Variants in TYW1B observed in about 807,000 individuals in gnomAD.
TYW1B encodes the protein tRNA-yW synthesizing protein 1 homolog B.
A neutral mutation model predicts 86.9 loss-of-function variants in TYW1B; 73 were observed. The observed-to-expected ratio is 0.84, with a 90% CI of 0.70 to 1.02. The LOEUF (loss-of-function observed/expected upper bound fraction) is 1.02, where lower values mean the gene tolerates loss of function less well. Among genes scored for constraint, TYW1B ranks in the 50% least tolerant of loss-of-function variants. The pLI, the probability that TYW1B is intolerant of heterozygous loss-of-function variation, is 0.00. For synonymous variants in TYW1B, 248 were observed against 292.8 expected (o/e 0.85, Z 1.56); for missense variants, 637 against 827.4 (o/e 0.77, Z 2.82).
rs1787020922 is a variant in TYW1B, at chr7:72,727,440, T to C, written c.1192+1382A>G. Reference sequence around the variant, plus strand: ...AATTCCAATTCATCACCTACAGCTGTTGCTTTATGAAGCCATCACATGTAC... The same window carrying C: ...AATTCCAATTCATCACCTACAGCTGCTGCTTTATGAAGCCATCACATGTAC... On this transcript the variant is annotated intron_variant, in intron 9 of 13. Transcript: ENST00000620995. Among the ~76,000 whole-genome samples the C allele has an allele frequency of 3.3e-5, 5 of 152,276 alleles. No homozygotes were observed. The South Asian group carries it at 8.3e-4, about 25-fold the overall frequency.
intron 7 of TYW1B, among the ~76,000 whole-genome samples, chr7:72,769,695 CAAT>C (rs1787833566): frequency 6.6e-6 from 1 of 152,198 alleles, no homozygotes; most frequent in Admixed American, 6.5e-5. Flanking sequence ...TTCTAGAAAT[CAAT>C]AATATAGAGT....
chr7:72,784,273 A>G (rs1281089698), intron 6 of TYW1B, among the ~76,000 whole-genome samples: 1 of 152,172 alleles, frequency 6.6e-6, no homozygotes, highest in African/African-American at 2.4e-5. Flanking sequence ...GCTTCTGAGA[A>G]CCACTCCTCC....
chr7:72,614,339 A>G (rs1412705345), intron 13 of TYW1B, among the ~76,000 whole-genome samples: 2 of 152,158 alleles, frequency 1.3e-5, no homozygotes, highest in Non-Finnish European at 2.9e-5. Flanking sequence ...CTCATCCATA[A>G]GACAGAGGTC....
At chr7:72,586,147 T>C (rs1811270734) in intron 13 of TYW1B, among the ~76,000 whole-genome samples, 1 of 152,178 alleles carries the variant, frequency 6.6e-6, no homozygotes, top group Non-Finnish European at 1.5e-5. Flanking sequence ...GGAACAGGCA[T>C]GTGGGACCGA....
chr7:72,645,230 G>C (rs1252522027), intron 11 of TYW1B, among the ~76,000 whole-genome samples: 4 of 152,150 alleles, frequency 2.6e-5, no homozygotes, highest in African/African-American at 9.7e-5. Context: ...TGAGGCAATG[G>C]AGAGAGAAGA....
chr7:72,678,688 C>T (rs1333931858), intron 11 of TYW1B, among the ~76,000 whole-genome samples: 2 of 146,262 alleles, frequency 1.4e-5, no homozygotes, highest in African/African-American at 5.1e-5. Flanking sequence ...ACAACAGGCG[C>T]GCATCATCAC....
Position 72,826,939 on chromosome 7 carries a change from T to C in TYW1B, c.51A>G (p.Leu17=), listed in dbSNP as rs1554481522. 3.7e-6 allele frequency: 6 copies of C among 1,613,830 alleles called. No individual in the cohort carries two copies. The East Asian group carries it at 8.9e-5, about 24-fold the overall frequency. The change falls in exon 2 of 14, where the codon TTA becomes TTG. Residue 17 remains leucine, a synonymous_variant. Coordinates refer to ENST00000620995, the MANE Select transcript of TYW1B (RefSeq NM_001145440.3). The stretch of plus-strand genomic sequence containing the variant: ...GATAAATGTAAAACCTGTTTATCCA[T>C]AATGATATTAAAGGTGAGGAGAGGT... The part of the protein sequence containing the change: ...TWDLSSPLIS[L]WINRFYIYLG...
At chr7:72,747,904 C>T (rs1475254559) in intron 7 of TYW1B, among the ~76,000 whole-genome samples, 10 of 152,086 alleles carry the variant, frequency 6.6e-5, no homozygotes, top group African/African-American at 1.4e-4. Flanking sequence ...AAATGTAAAT[C>T]GAAGCATATT....
chr7:72,703,864 A>G (rs1814550241), intron 10 of TYW1B, among the ~76,000 whole-genome samples: 1 of 151,752 alleles, frequency 6.6e-6, no homozygotes, highest in South Asian at 2.1e-4. Context: ...CAAAAAAAAA[A>G]AAAGAAAAGA....
chr7:72,611,910 C>T (rs559196529), intron 13 of TYW1B, among the ~76,000 whole-genome samples: 1 of 152,270 alleles, frequency 6.6e-6, no homozygotes, highest in Admixed American at 6.5e-5. Context: ...TGGGGAAAGA[C>T]CAATAAAAGC....
intron 7 of TYW1B, among the ~76,000 whole-genome samples, chr7:72,754,639 T>C (rs1195835813): frequency 6.6e-6 from 1 of 151,810 alleles, no homozygotes; most frequent in Non-Finnish European, 1.5e-5. Context: ...GGTTTCATCA[T>C]GTTTGCCAGG....
chr7:72,782,288 C>T (rs1465075998), intron 6 of TYW1B, among the ~76,000 whole-genome samples: 2 of 151,856 alleles, frequency 1.3e-5, no homozygotes, highest in Admixed American at 6.6e-5. Flanking sequence ...GACCCTGTCT[C>T]TAAAAATAAA....
chr7:72,766,630 A>C (rs1183887876), intron 7 of TYW1B, among the ~76,000 whole-genome samples: 1 of 140,336 alleles, frequency 7.1e-6, no homozygotes, highest in Non-Finnish European at 1.5e-5. Flanking sequence ...AAAAAAAAAA[A>C]AAACATAACT....
intron 11 of TYW1B, among the ~76,000 whole-genome samples, chr7:72,681,280 G>T (rs1554448425): frequency 6.6e-6 from 1 of 152,212 alleles, no homozygotes; most frequent in Non-Finnish European, 1.5e-5. Context: ...TCATGTGTCA[G>T]TCACCGTGTT....
intron 6 of TYW1B, among the ~76,000 whole-genome samples, chr7:72,782,238 A>G (rs1391023101): frequency 1.3e-5 from 2 of 152,134 alleles, no homozygotes; most frequent in Non-Finnish European, 2.9e-5. Flanking sequence ...GTGGTGAGCT[A>G]TGATCACACC....
In TYW1B at chr7:72,616,539, T is replaced by C. The variant is rs560268590; in HGVS notation, c.1785+133A>G. ...CAGCAGACAGAATTTAGTGCTTTCT[T>C]ATTTTTGTTTTGGGAAAGGTAGCAA... On this transcript the variant is annotated intron_variant, in intron 13 of 13. Coordinates refer to ENST00000620995, the MANE Select transcript of TYW1B (RefSeq NM_001145440.3). 3 of 1,388,726 alleles carry C rather than the reference T, an allele frequency of 2.2e-6. No homozygotes were observed. In the South Asian group the frequency reaches 3.9e-5, roughly 18 times the overall value. The allele number at this position is 1,388,726 out of a possible 1,614,324, so 86.0% of individuals were successfully genotyped here.
intron 5 of TYW1B, among the ~76,000 whole-genome samples, chr7:72,805,953 G>A (rs1260744862): frequency 6.6e-6 from 1 of 152,130 alleles, no homozygotes; most frequent in Non-Finnish European, 1.5e-5. Context: ...GAAGACAGGA[G>A]CTTCAAAGGA....
chr7:72,576,837 C>T (rs1479045688), intron 13 of TYW1B, among the ~76,000 whole-genome samples: 2 of 149,948 alleles, frequency 1.3e-5, no homozygotes, highest in African/African-American at 2.4e-5. Context: ...TAAAAAACTT[C>T]GACTAATGGC....
At chr7:72,667,096 T>C (rs550875227) in intron 11 of TYW1B, among the ~76,000 whole-genome samples, 39 of 143,098 alleles carry the variant, frequency 2.7e-4, no homozygotes, top group African/African-American at 9.9e-4. Context: ...ATAACCATTG[T>C]ATTGGTCTGT....
Sources: allele counts gnomAD v4.1 joint callset (sites outside exome capture counted in the v4.1 genomes callset), GRCh38; gene constraint gnomAD v4.1.1; transcripts MANE v1.5; gene names NCBI Gene and HGNC (gene_info 2026-07-23, HGNC 2026-07-21).